The following ASAP3 variants were observed in gnomAD, a reference collection of about 807,000 sequenced individuals.
ASAP3 encodes the protein ArfGAP with SH3 domain, ankyrin repeat and PH domain 3.
A neutral mutation model predicts 118.2 loss-of-function variants in ASAP3; 85 were observed. The ratio of observed to expected loss-of-function variants is 0.72; its 90% CI spans 0.60 to 0.86. The LOEUF (loss-of-function observed/expected upper bound fraction) is 0.86, where lower values mean the gene tolerates loss of function less well. Ranked by LOEUF, ASAP3 falls within the 40% of genes least tolerant of loss-of-function variation. The probability of loss-of-function intolerance (pLI) is 0.00; values close to 1 mark genes in which losing one functional copy is unlikely to be tolerated. For synonymous variants in ASAP3, 432 were observed against 477.4 expected, an observed-to-expected ratio of 0.90 and a Z score of 1.24; for missense variants, 1,026 against 1,175.0, an observed-to-expected ratio of 0.87 and a Z score of 1.85.
chr1:23,483,947 G>T, intron 1 of ASAP3, 58 bp downstream of exon 1: 1 of 1,240,168 alleles, frequency 8.1e-7, no homozygotes, highest in Non-Finnish European at 1.0e-6. Context: ...ACACGCCTGT[G>T]GAGGTCAAGG....
intron 1 of ASAP3, among the ~76,000 whole-genome samples, chr1:23,469,078 G>A (rs969567075): frequency 1.7e-4 from 26 of 152,210 alleles, no homozygotes; most frequent in Non-Finnish European, 3.1e-4. Flanking sequence ...GCCCAAGTGG[G>A]TGGATTGCTT....
intron 17 of ASAP3, 24 bp downstream of exon 17, chr1:23,435,827 A>C (rs1308597133): frequency 3.1e-6 from 5 of 1,614,138 alleles, no homozygotes; most frequent in Non-Finnish European, 3.4e-6. Flanking sequence ...GTGGGTTATA[A>C]GTGGCCCTTG....
chr1:23,433,839 T>C (rs773374140), intron 19 of ASAP3, 146 bp from the exon 20 acceptor site: 34 of 1,009,454 alleles, frequency 3.4e-5, no homozygotes, highest in Non-Finnish European at 4.6e-5. Flanking sequence ...GCAAGTTATA[T>C]AACCTTTTGG....
chr1:23,440,271 G>A (rs183305661), intron 10 of ASAP3, among the ~76,000 whole-genome samples: 43 of 150,558 alleles, frequency 2.9e-4, no homozygotes, highest in Admixed American at 8.6e-4. Context: ...GGAGGCTGAG[G>A]CTGGCAGATC....
At chr1:23,449,163 T>C (rs1375341852) in intron 5 of ASAP3, among the ~76,000 whole-genome samples, 2 of 152,314 alleles carry the variant, frequency 1.3e-5, no homozygotes, top group Middle Eastern at 3.4e-3. Context: ...TACCAGCAGA[T>C]GTGTGGGTTT....
intron 5 of ASAP3, among the ~76,000 whole-genome samples, chr1:23,445,836 C>T (rs1370947285): frequency 6.6e-6 from 1 of 151,808 alleles, no homozygotes; most frequent in Non-Finnish European, 1.5e-5. Context: ...AAACCATTAT[C>T]CAGGCATGGT....
Position 23,438,756 on chromosome 1 carries a change from G to A in ASAP3, c.1093C>T (p.Leu365=), listed in dbSNP as rs1640762518. ...PNPEEKKCFD[L]VTHNRTYHFQ... is the part of the protein sequence containing the mutation. ...CACAGGGACCACTCACGGGTCACCAGGTCGAAGCACTTTTTCTCCTCAGGG... is the reference window on the plus strand; with the variant it reads ...CACAGGGACCACTCACGGGTCACCAAGTCGAAGCACTTTTTCTCCTCAGGG... Residue 365 remains leucine (L), a synonymous_variant, in exon 12 of 25, where the codon CTG becomes TTG. Transcript: ENST00000336689. The surrounding 1 kb of genome is among the most constrained non-coding windows in gnomAD (Gnocchi z 4.9). 6.2e-7 allele frequency: 1 copy of A among 1,613,968 alleles called. No homozygotes were observed. Among genetic ancestry groups the A allele is most frequent in the South Asian group, 1.1e-5 (1 of 91,078 alleles).
intron 1 of ASAP3, among the ~76,000 whole-genome samples, chr1:23,467,939 G>A (rs1444754555): frequency 1.4e-4 from 19 of 136,488 alleles, no homozygotes. Flanking sequence ...GTGACAGAGT[G>A]AGACTCCGTC....
intron 8 of ASAP3, 36 bp downstream of exon 8, chr1:23,441,619 G>C (rs749480267): frequency 1.2e-5 from 20 of 1,611,314 alleles, no homozygotes; most frequent in Non-Finnish European, 1.6e-5. Flanking sequence ...AGGACAGGGG[G>C]CTTGATCACG....
At chr1:23,449,077 T>C (rs924520719) in intron 5 of ASAP3, among the ~76,000 whole-genome samples, 13 of 152,156 alleles carry the variant, frequency 8.5e-5, no homozygotes, top group Admixed American at 8.5e-4. Context: ...ACAGGGACCA[T>C]TTTACAGATG....
chr1:23,456,214 G>A lies in ASAP3; in HGVS notation c.130-20C>T, dbSNP rs756405683. 1.2e-6 allele frequency: 2 copies of A among 1,612,088 alleles called. No homozygotes were observed. Among genetic ancestry groups the A allele is most frequent in the Non-Finnish European group, 1.7e-6 (2 of 1,178,582 alleles). ...CAAGATCTGGAAGCAAATGTGGACA[G>A]AGGTTCAGGGATGCCAAGCTGGAAT... On this transcript the variant is annotated intron_variant, in intron 1 of 24. Coordinates refer to ENST00000336689, the MANE Select transcript of ASAP3 (RefSeq NM_017707.4).
chr1:23,438,194 C>A lies in ASAP3; in HGVS notation c.1102+553G>T, dbSNP rs1338773237. 6.6e-6 allele frequency among the ~76,000 whole-genome samples: 1 copy of A among 152,164 alleles called. No individual in the cohort carries two copies. The highest frequency in any genetic ancestry group is 1.5e-5 in the Non-Finnish European group (1 of 68,042). On this transcript the variant is annotated intron_variant, in intron 12 of 24. Transcript: ENST00000336689. The surrounding 1 kb of genome is among the most constrained non-coding windows in gnomAD (Gnocchi z 4.9). ...CTCCTCCAGGAGCCTTTCCTGATTC[C>A]CCACAGCAGTGCAGGCCTTCCTGCT...
At chr1:23,453,694 C>A (rs1327534197) in intron 3 of ASAP3, among the ~76,000 whole-genome samples, 1 of 152,150 alleles carries the variant, frequency 6.6e-6, no homozygotes, top group Non-Finnish European at 1.5e-5. Context: ...GTCTCTCCTC[C>A]TCCAGGAAGT....
intron 1 of ASAP3, among the ~76,000 whole-genome samples, chr1:23,467,020 A>G (rs1641792433): frequency 6.6e-6 from 1 of 151,942 alleles, no homozygotes; most frequent in Admixed American, 6.6e-5. Flanking sequence ...GGCATGCGCC[A>G]CTGCACCTGG....
intron 22 of ASAP3, 32 bp from the exon 23 acceptor site, chr1:23,431,950 TTTTC>T (rs1183946275): frequency 6.3e-7 from 1 of 1,587,556 alleles, no homozygotes; most frequent in African/African-American, 1.3e-5. Flanking sequence ...ATGATAAAGC[TTTTC>T]TTTATCACTT....
Position 23,441,170 on chromosome 1 carries a change from G to T in ASAP3, c.876C>A (p.Ile292=). 6.2e-7 allele frequency: 1 copy of T among 1,614,208 alleles called. No homozygotes were observed. Among genetic ancestry groups the T allele is most frequent in the Non-Finnish European group, 8.5e-7 (1 of 1,180,046 alleles). The change falls in exon 10 of 25, where the codon ATC becomes ATA. Residue 292 remains isoleucine (I), a synonymous_variant. Transcript: ENST00000336689. ...ACTGCTTGTTGCCTTGGTGCTGGTGGATGCTATAGCCACATCCTGAGTTCT... is the reference window on the plus strand; with the variant it reads ...ACTGCTTGTTGCCTTGGTGCTGGTGTATGCTATAGCCACATCCTGAGTTCT... ...SRKNSGCGYS[I]HQHQGNKQFG... is the part of the protein sequence containing the mutation.
rs150735032 is a variant in ASAP3 at position 23,461,829 on chromosome 1, A to G, written c.130-5635T>C. Among the ~76,000 whole-genome samples the G allele has an allele frequency of 2.1e-3, 319 of 152,274 alleles. 2 individuals are homozygous for G. Among genetic ancestry groups the G allele is most frequent in the Middle Eastern group, 3.4e-3 (1 of 294 alleles). On this transcript the variant is annotated intron_variant, in intron 1 of 24. Transcript: ENST00000336689. Reference sequence around the variant, plus strand: ...TTGTTATGGATGGCGGAGCAACAAGATATCAGCCTTGTCCCTAGTGATTAG... The same window carrying G: ...TTGTTATGGATGGCGGAGCAACAAGGTATCAGCCTTGTCCCTAGTGATTAG...
intron 3 of ASAP3, among the ~76,000 whole-genome samples, chr1:23,453,820 T>C (rs1570370900): frequency 6.6e-6 from 1 of 152,098 alleles, no homozygotes; most frequent in Non-Finnish European, 1.5e-5. Context: ...ATGCTGCTGG[T>C]ATTTCTTGAC....
At chr1:23,432,710 A>T (rs1640483459) in intron 22 of ASAP3, among the ~76,000 whole-genome samples, 1 of 152,238 alleles carries the variant, frequency 6.6e-6, no homozygotes, top group Non-Finnish European at 1.5e-5. Context: ...TGTGCCTTGT[A>T]TTATAATGAA....
Sources: allele counts gnomAD v4.1 joint callset (sites outside exome capture counted in the v4.1 genomes callset), GRCh38; gene constraint gnomAD v4.1.1; non-coding constraint Gnocchi (gnomAD v3.1); transcripts MANE v1.5; gene names NCBI Gene and HGNC (gene_info 2026-07-23, HGNC 2026-07-21).